Variants in SLC43A1 observed in about 807,000 individuals in gnomAD.
SLC43A1 encodes the protein solute carrier family 43 member 1.
SLC43A1 carries 31 observed loss-of-function variants against 59.5 expected under a neutral mutation model. The ratio of observed to expected loss-of-function variants is 0.52; its 90% CI spans 0.39 to 0.70. SLC43A1 has a LOEUF of 0.70. Among genes scored for constraint, SLC43A1 ranks in the 30% least tolerant of loss-of-function variants. The pLI, the probability that SLC43A1 is intolerant of heterozygous loss-of-function variation, is 0.00. For missense variants in SLC43A1, 598 were observed against 717.8 expected (o/e 0.83, Z 1.91); for synonymous variants, 259 against 290.9 (o/e 0.89, Z 1.12).
chr11:57,498,830 C>T (rs914908385), intron 5 of SLC43A1, among the ~76,000 whole-genome samples: 2 of 152,190 alleles, frequency 1.3e-5, no homozygotes, highest in African/African-American at 4.8e-5. Context: ...GTTCCACTCA[C>T]CTGCCTCAGC....
chr11:57,496,450 T>G (rs1944088337), intron 6 of SLC43A1, among the ~76,000 whole-genome samples: 1 of 152,150 alleles, frequency 6.6e-6, no homozygotes. Flanking sequence ...TCCATTATCT[T>G]AAAAAAATAC....
chr11:57,512,826 T>G (rs1944585598), intron 2 of SLC43A1, among the ~76,000 whole-genome samples: 1 of 152,138 alleles, frequency 6.6e-6, no homozygotes, highest in Non-Finnish European at 1.5e-5. Flanking sequence ...CATCTCTCGG[T>G]GCCATCTGTT....
Position 57,492,735 on chromosome 11 carries a change from C to CAAA in SLC43A1, c.872-876_872-874dup, listed in dbSNP as rs56237225. On this transcript the variant is annotated intron_variant, in intron 8 of 14. Coordinates refer to ENST00000278426, the MANE Select transcript of SLC43A1 (RefSeq NM_003627.6). The stretch of plus-strand genomic sequence containing the variant: ...ACAGCAATACCCTGTCTCTATTTTA[C>CAAA]AAAAAAAAAAAAAAAAAAAAACCTG... Among the ~76,000 whole-genome samples the CAAA allele has an allele frequency of 6.3e-3, 527 of 83,432 alleles. 18 individuals are homozygous for CAAA. Among genetic ancestry groups the CAAA allele is most frequent in the East Asian group, 0.027 (78 of 2,838 alleles). The allele number at this position is 83,432 out of a possible 152,430, so 54.7% of individuals were successfully genotyped here.
chr11:57,503,546 C>T (rs1944321001), intron 2 of SLC43A1, among the ~76,000 whole-genome samples: 1 of 152,114 alleles, frequency 6.6e-6, no homozygotes, highest in African/African-American at 2.4e-5. Flanking sequence ...TGGTCTCGAA[C>T]TCCTGGGCCC....
At chr11:57,501,107 A>T (rs746584153) in intron 3 of SLC43A1, 45 bp downstream of exon 3, 1 of 1,607,056 alleles carries the variant, frequency 6.2e-7, no homozygotes, top group Non-Finnish European at 8.5e-7. Context: ...CTCCCCCTGC[A>T]GCACGGTCCC....
intron 8 of SLC43A1, among the ~76,000 whole-genome samples, chr11:57,493,468 A>C (rs939425813): frequency 4.6e-5 from 7 of 152,214 alleles, no homozygotes; most frequent in African/African-American, 1.7e-4. Flanking sequence ...CTATAACTGG[A>C]GAGCAGGACT....
intron 8 of SLC43A1, 107 bp downstream of exon 8, chr11:57,493,886 T>G (rs1351965928): frequency 1.8e-6 from 2 of 1,096,726 alleles, no homozygotes; most frequent in East Asian, 5.6e-5. Flanking sequence ...TGGGGTGTTG[T>G]AAGGACTGAA....
At chr11:57,489,224 G>A (rs772684760) in intron 12 of SLC43A1, 27 bp downstream of exon 12, 4 of 1,613,796 alleles carry the variant, frequency 2.5e-6, no homozygotes, top group African/African-American at 2.7e-5. Flanking sequence ...CGGGAGGCAG[G>A]GAGAGGGGAA....
At position 57,484,944 on chromosome 11, in the gene SLC43A1, C is replaced by A. The variant is rs1943688071; in HGVS notation, c.*152G>T. 2.1e-6 allele frequency: 2 copies of A among 942,680 alleles called. No individual in the cohort carries two copies. The highest frequency in any genetic ancestry group is 3.0e-6 in the Non-Finnish European group (2 of 671,286). The allele number at this position is 942,680 out of a possible 1,614,324, so 58.4% of individuals were successfully genotyped here. A position where few individuals can be genotyped will look rare whatever the true frequency, so the allele number is the denominator to read the frequency against. ...TGAAGGTTTTTTTTCCTCCTTTTTG[C>A]AGTCTTTACAAAAATAGAACTTCTC... On this transcript the variant is annotated 3_prime_UTR_variant, in exon 15 of 15. Transcript: ENST00000278426.
chr11:57,496,722 G>C (rs778092246), intron 6 of SLC43A1, among the ~76,000 whole-genome samples: 5 of 152,178 alleles, frequency 3.3e-5, no homozygotes, highest in African/African-American at 2.4e-5. Flanking sequence ...CTCTGCCCAA[G>C]GGCTCTCAAC....
chr11:57,511,164 C>A lies in SLC43A1; in HGVS notation c.154+2794G>T, dbSNP rs977975749. Among the ~76,000 whole-genome samples, 8 of 151,588 alleles carry A rather than the reference C, an allele frequency of 5.3e-5. No homozygotes were observed. The South Asian group carries it at 1.7e-3, about 32-fold the overall frequency. Reference sequence around the variant, plus strand: ...AAGGGCTAGGCGGGGTGGCTCACACCTATAATCCCAACACTTTGGGAGGCC... The same window carrying A: ...AAGGGCTAGGCGGGGTGGCTCACACATATAATCCCAACACTTTGGGAGGCC... On this transcript the variant is annotated intron_variant, in intron 2 of 14. Coordinates refer to ENST00000278426, the MANE Select transcript of SLC43A1 (RefSeq NM_003627.6).
intron 2 of SLC43A1, among the ~76,000 whole-genome samples, chr11:57,513,332 TCC>T (rs1944601058): frequency 6.6e-6 from 1 of 152,166 alleles, no homozygotes; most frequent in East Asian, 1.9e-4. Flanking sequence ...CAGAGGCAAG[TCC>T]TAGACACCAG....
chr11:57,490,417 T>TA (rs1943866205), intron 11 of SLC43A1, among the ~76,000 whole-genome samples: 1 of 152,098 alleles, frequency 6.6e-6, no homozygotes, highest in East Asian at 1.9e-4. Flanking sequence ...TTCCACAGTA[T>TA]ATCAGGGTTG....
intron 2 of SLC43A1, 85 bp from the exon 3 acceptor site, chr11:57,501,414 C>T: frequency 7.0e-7 from 1 of 1,426,350 alleles, no homozygotes; most frequent in Non-Finnish European, 9.7e-7. Context: ...AGGCGGCCTG[C>T]TTTCAAATCC....
Position 57,491,303 on chromosome 11 carries a change from G to C in SLC43A1, c.1114C>G (p.Leu372Val), listed in dbSNP as rs753864801. 3 of 1,611,636 alleles carry C rather than the reference G, an allele frequency of 1.9e-6. No individual in the cohort carries two copies. Among genetic ancestry groups the C allele is most frequent in the South Asian group, 1.1e-5 (1 of 90,728 alleles). ...MQLLCLLTCP[L>V]IGYIMDWRIK... is the part of the protein sequence containing the mutation. ...CGCCAGTCCATGATGTAGCCAATGA[G>C]GGGGCAGGTGAGAAGGCACAACAGC... is the stretch of plus-strand genomic sequence containing the variant. The change falls in exon 11 of 15, where the codon CTC becomes GTC. Residue 372 changes from leucine to valine, a missense_variant. Coordinates refer to ENST00000278426, the MANE Select transcript of SLC43A1 (RefSeq NM_003627.6).
chr11:57,513,273 G>A (rs1419948095), intron 2 of SLC43A1, among the ~76,000 whole-genome samples: 3 of 152,204 alleles, frequency 2.0e-5, no homozygotes, highest in Non-Finnish European at 4.4e-5. Flanking sequence ...CTCCTGAGGC[G>A]GAGCTTGTCA....
At chr11:57,489,143 C>T in intron 12 of SLC43A1, 108 bp downstream of exon 12, 7 of 1,477,020 alleles carry the variant, frequency 4.7e-6, no homozygotes, top group South Asian at 4.7e-5. Context: ...GAAAATAGAT[C>T]CAGATCAGAA....
intron 2 of SLC43A1, among the ~76,000 whole-genome samples, chr11:57,503,141 A>G (rs1049844093): frequency 2.0e-5 from 3 of 152,096 alleles, no homozygotes; most frequent in Non-Finnish European, 4.4e-5. Flanking sequence ...ACTGTCCTGG[A>G]CAACAGAGAG....
Position 57,484,923 on chromosome 11 carries a change from G to A in SLC43A1, c.*173C>T. The A allele has an allele frequency of 1.3e-6, 1 of 789,954 alleles. No individual in the cohort carries two copies. The allele number at this position is 789,954 out of a possible 1,614,324, so 48.9% of individuals were successfully genotyped here. A position where few individuals can be genotyped will look rare whatever the true frequency, so the allele number is the denominator to read the frequency against. ...CGTTGACTTAGGGGGCGTTTTTGAA[G>A]GTTTTTTTTCCTCCTTTTTGCAGTC... On this transcript the variant is annotated 3_prime_UTR_variant, in exon 15 of 15. Transcript: ENST00000278426.
Sources: allele counts gnomAD v4.1 joint callset (sites outside exome capture counted in the v4.1 genomes callset), GRCh38; gene constraint gnomAD v4.1.1; transcripts MANE v1.5; gene names NCBI Gene and HGNC (gene_info 2026-07-23, HGNC 2026-07-21).